STARD9: variants seen among roughly 807,000 people sequenced by gnomAD.
STARD9 encodes the protein stAR-related lipid transfer protein 9.
STARD9 carries 346 observed loss-of-function variants against 399.8 expected under a neutral mutation model. The observed-to-expected ratio is 0.87, with a 90% CI of 0.79 to 0.95. STARD9 has a LOEUF of 0.95. Among genes scored for constraint, STARD9 ranks in the 40% least tolerant of loss-of-function variants. STARD9 has a pLI of 0.00. For synonymous variants in STARD9, 2,203 were observed against 2,143.5 expected (o/e 1.03, Z -0.77); for missense variants, 5,832 against 5,667.5 (o/e 1.03, Z -0.93).
chr15:42,718,397 C>T, intron 30 of STARD9, 38 bp from the exon 31 acceptor site: 1 of 1,498,774 alleles, frequency 6.7e-7, no homozygotes, highest in Non-Finnish European at 9.0e-7. Context: ...TAGGTCTGTC[C>T]ATGGGCCTCC....
chr15:42,691,660 CA>C lies in STARD9; in HGVS notation c.10083del (p.His3362IlefsTer39), dbSNP rs1413322512. 6.5e-7 allele frequency: 1 copy of C among 1,537,144 alleles called. No homozygotes were observed. The highest frequency in any genetic ancestry group is 8.7e-7 in the Non-Finnish European group (1 of 1,146,918). ...CAGGGGCCTAACAGATTGTGGAACC[CA>C]CATCTCAGGGGCTATTCCTCAGGAA... ...DTQGPNRLWNPHLRGYSSGKS... is the reference protein window; with the variant it reads ...DTQGPNRLWNXHLRGYSSGKS... On this transcript the variant is annotated frameshift_variant, in exon 23 of 33. Coordinates refer to ENST00000290607, the MANE Select transcript of STARD9 (RefSeq NM_020759.3). LOFTEE classifies it high-confidence loss of function.
chr15:42,579,629 G>C (rs2058126566), intron 1 of STARD9, among the ~76,000 whole-genome samples: 1 of 152,096 alleles, frequency 6.6e-6, no homozygotes, highest in Non-Finnish European at 1.5e-5. Flanking sequence ...AGTACGATAG[G>C]AAAGGCAAGA....
intron 16 of STARD9, chr15:42,673,836 CCA>C (rs1432873937): frequency 2.3e-6 from 1 of 442,740 alleles, no homozygotes; most frequent in African/African-American, 2.0e-5. Flanking sequence ...TGTACTAACT[CCA>C]GTTTCCCCCT....
At position 42,688,438 on chromosome 15, in the gene STARD9, A is replaced by G; in HGVS notation, c.6860A>G (p.Gln2287Arg). ...CCTATGCAAAGGGGAGGCAGCCTTCAGGAAGAAAATAAAGTGACTCAGAAA... is the reference window on the plus strand; with the variant it reads ...CCTATGCAAAGGGGAGGCAGCCTTCGGGAAGAAAATAAAGTGACTCAGAAA... ...EMPMQRGGSL[Q>R]EENKVTQKFP... Residue 2287 changes from glutamine (Q) to arginine (R), a missense_variant, in exon 23 of 33, where the codon CAG becomes CGG. This residue lies in a region of STARD9 where 5,828 missense variants were observed against 5,651.1 expected (regional missense o/e 1.03). Coordinates refer to ENST00000290607, the MANE Select transcript of STARD9 (RefSeq NM_020759.3). The G allele has an allele frequency of 6.5e-7, 1 of 1,537,788 alleles. No individual in the cohort carries two copies. Among genetic ancestry groups the G allele is most frequent in the Non-Finnish European group, 8.7e-7 (1 of 1,147,044 alleles).
rs1381781769 is a variant in STARD9 at position 42,687,613 on chromosome 15, C to A, written c.6035C>A (p.Pro2012His). ...AYERFQLVAC[P>H]QERNPSECKS... ...GAAAGGTTCCAGTTAGTTGCATGCC[C>A]TCAGGAAAGAAACCCCAGTGAATGC... The change falls in exon 23 of 33, where the codon CCT (proline) becomes CAT (histidine). Residue 2012 changes from proline to histidine, a missense_variant. By Grantham distance (77) the Pro-to-His change is moderately conservative. This residue lies in a region of STARD9 where 5,828 missense variants were observed against 5,651.1 expected (regional missense o/e 1.03). Coordinates refer to ENST00000290607, the MANE Select transcript of STARD9 (RefSeq NM_020759.3). 5.2e-6 allele frequency: 8 copies of A among 1,536,900 alleles called. No individual in the cohort carries two copies. In the East Asian group the frequency reaches 1.7e-4, roughly 33 times the overall value.
rs114982552 is a variant in STARD9 at position 42,621,481 on chromosome 15, G to A, written c.235-13375G>A. Reference sequence around the variant, plus strand: ...CAAATAAGGCAGCCCCTAGAACTACGATAGGTTCAGATACAGCCTGAGGCT... The same window carrying A: ...CAAATAAGGCAGCCCCTAGAACTACAATAGGTTCAGATACAGCCTGAGGCT... On this transcript the variant is annotated intron_variant, in intron 3 of 32. Coordinates refer to ENST00000290607, the MANE Select transcript of STARD9 (RefSeq NM_020759.3). 7.1e-3 allele frequency among the ~76,000 whole-genome samples: 1,074 copies of A among 152,312 alleles called. 14 individuals carry two copies. The highest frequency in any genetic ancestry group is 0.024 in the African/African-American group (1,017 of 41,572).
intron 7 of STARD9, among the ~76,000 whole-genome samples, chr15:42,646,271 C>T (rs958545081): frequency 1.3e-5 from 2 of 152,160 alleles, no homozygotes; most frequent in African/African-American, 4.8e-5. Flanking sequence ...GCTTTGAAAC[C>T]AGACATTGGC....
In STARD9 at chr15:42,682,486, C is replaced by G; in HGVS notation, c.2448C>G (p.Val816=). ...AGGTCCTCAGCCCTGATGCCACAGT[C>G]CCACGGCCTCCATGTAGAAGCAAAT... ...PYQVLSPDAT[V]PRPPCRSKLT... Residue 816 remains valine, a synonymous_variant, in exon 22 of 33, where the codon GTC becomes GTG. Transcript: ENST00000290607. The G allele has an allele frequency of 6.5e-7, 1 of 1,537,208 alleles. No homozygotes were observed. Among genetic ancestry groups the G allele is most frequent in the Non-Finnish European group, 8.7e-7 (1 of 1,146,894 alleles).
intron 3 of STARD9, among the ~76,000 whole-genome samples, chr15:42,619,025 A>G (rs1838765993): frequency 6.6e-6 from 1 of 152,012 alleles, no homozygotes; most frequent in African/African-American, 2.4e-5. Flanking sequence ...TTTGTTTTCT[A>G]GTCTGTTAAT....
At position 42,718,460 on chromosome 15, in the gene STARD9, G is replaced by A; in HGVS notation, c.13788G>A (p.Leu4596=). The A allele has an allele frequency of 6.5e-7, 1 of 1,537,198 alleles. No individual in the cohort carries two copies. Among genetic ancestry groups the A allele is most frequent in the Non-Finnish European group, 8.7e-7 (1 of 1,146,882 alleles). ...SLVYLVCNTT[L]CALKQPRDFC... ...TGTACTTGGTGTGCAACACCACCCT[G>A]TGCGCACTGAAGCAGCCACGGGATT... Residue 4596 remains leucine, a synonymous_variant, in exon 31 of 33, where the codon CTG becomes CTA. Coordinates refer to ENST00000290607, the MANE Select transcript of STARD9 (RefSeq NM_020759.3).
At chr15:42,620,305 A>T (rs1488349292) in intron 3 of STARD9, among the ~76,000 whole-genome samples, 1 of 150,536 alleles carries the variant, frequency 6.6e-6, no homozygotes, top group Non-Finnish European at 1.5e-5. Context: ...TTTTTCCGAG[A>T]CTATGTCTCT....
intron 26 of STARD9, among the ~76,000 whole-genome samples, chr15:42,713,245 A>C (rs1292826197): frequency 1.3e-5 from 2 of 152,216 alleles, no homozygotes; most frequent in Non-Finnish European, 2.9e-5. Context: ...CTTCATTGCT[A>C]TTATGCAGAA....
chr15:42,619,001 T>C (rs2059030826), intron 3 of STARD9, among the ~76,000 whole-genome samples: 1 of 152,218 alleles, frequency 6.6e-6, no homozygotes, highest in African/African-American at 2.4e-5. Context: ...AAATATTTAT[T>C]CTTTATAACA....
chr15:42,686,155 A>C lies in STARD9; in HGVS notation c.4577A>C (p.Lys1526Thr). ...DSGSLAQASS[K>T]GGDTLLPVGP... ...GGTTCCCTGGCCCAAGCTTCTAGCA[A>C]AGGAGGAGATACTCTATTGCCAGTT... Residue 1526 changes from lysine to threonine, a missense_variant, in exon 23 of 33, where the codon AAA (lysine) becomes ACA (threonine). Physicochemically the swap from Lys to Thr is moderately conservative, Grantham distance 78 (BLOSUM62 -1). Around this residue, in one of 2 missense-constraint regions of STARD9, gnomAD observed 5,828 missense variants for 5,651.1 expected, o/e 1.03. Coordinates refer to ENST00000290607, the MANE Select transcript of STARD9 (RefSeq NM_020759.3). 1 of 1,537,406 alleles carries C rather than the reference A, an allele frequency of 6.5e-7. No individual in the cohort carries two copies. Among genetic ancestry groups the C allele is most frequent in the Non-Finnish European group, 8.7e-7 (1 of 1,146,950 alleles).
intron 13 of STARD9, 125 bp downstream of exon 13, chr15:42,664,042 G>A (rs2060041867): frequency 1.5e-6 from 1 of 648,908 alleles, no homozygotes; most frequent in African/African-American, 1.8e-5. Context: ...TCCAGATGAT[G>A]AGGGAGTAGA....
intron 3 of STARD9, among the ~76,000 whole-genome samples, chr15:42,634,123 A>G (rs1448627982): frequency 6.6e-6 from 1 of 152,150 alleles, no homozygotes; most frequent in East Asian, 1.9e-4. Flanking sequence ...CCGCTGTACC[A>G]GCTGTGGGTA....
intron 7 of STARD9, among the ~76,000 whole-genome samples, chr15:42,640,044 C>T (rs1001595129): frequency 1.3e-5 from 2 of 152,144 alleles, no homozygotes; most frequent in Admixed American, 1.3e-4. Flanking sequence ...GCCCCAGTCT[C>T]CCAGGTAGCT....
At chr15:42,605,111 C>T (rs1566867901) in intron 3 of STARD9, among the ~76,000 whole-genome samples, 1 of 152,112 alleles carries the variant, frequency 6.6e-6, no homozygotes, top group African/African-American at 2.4e-5. Context: ...ATTCACTAGT[C>T]CTAACATGGA....
chr15:42,618,973 C>T (rs191116622), intron 3 of STARD9, among the ~76,000 whole-genome samples: 7 of 151,982 alleles, frequency 4.6e-5, no homozygotes, highest in African/African-American at 1.7e-4. Flanking sequence ...ATTGTTTTTC[C>T]AAAGAAATTG....
Sources: gnomAD v4.1 joint callset for allele counts (sites outside exome capture counted in the v4.1 genomes callset) on GRCh38, gnomAD v4.1.1 for gene constraint, gnomAD v4.1.1 regional missense constraint, MANE v1.5 for transcripts, NCBI Gene and HGNC (gene_info 2026-07-23, HGNC 2026-07-21) for gene names.